The following PRKN variants were observed in gnomAD, a reference collection of about 807,000 sequenced individuals.
PRKN encodes parkin RBR E3 ubiquitin protein ligase.
Under a neutral mutation model 59.5 loss-of-function variants are expected in PRKN, and 56 were observed. The ratio of observed to expected loss-of-function variants is 0.94; its 90% confidence interval spans 0.76 to 1.18. PRKN has a LOEUF of 1.18. Ranked by LOEUF, PRKN falls within the 50% of genes most tolerant of loss-of-function variation. The pLI is 0.00. For missense variants in PRKN, 657 were observed against 596.4 expected (o/e 1.10, Z -1.06); for synonymous variants, 250 against 222.1 (o/e 1.13, Z -1.12).
At chr6:162,195,997 T>A (rs771827444) in intron 4 of PRKN, among the ~76,000 whole-genome samples, 1 of 152,212 alleles carries the variant, frequency 6.6e-6, no homozygotes, top group Non-Finnish European at 1.5e-5. Flanking sequence ...ATAAAAAGCC[T>A]TACTATATTT....
chr6:161,493,948 C>T (rs1349237318), intron 9 of PRKN, among the ~76,000 whole-genome samples: 2 of 152,222 alleles, frequency 1.3e-5, no homozygotes, highest in East Asian at 1.9e-4. Context: ...AGACAAGAGC[C>T]GGGAAGGCAG....
At chr6:161,595,040 T>G (rs1000414040) in intron 7 of PRKN, among the ~76,000 whole-genome samples, 4 of 152,210 alleles carry the variant, frequency 2.6e-5, no homozygotes, top group Non-Finnish European at 5.9e-5. Context: ...GGGTACCCTT[T>G]GTGCTATTCA....
At chr6:162,023,003 C>G (rs1262003594) in intron 5 of PRKN, among the ~76,000 whole-genome samples, 3 of 152,126 alleles carry the variant, frequency 2.0e-5, no homozygotes, top group Non-Finnish European at 4.4e-5. Context: ...CTACTCTGCT[C>G]CATTGATATA....
chr6:162,437,888 A>G (rs1436882697), intron 2 of PRKN, among the ~76,000 whole-genome samples: 1 of 152,198 alleles, frequency 6.6e-6, no homozygotes, highest in Non-Finnish European at 1.5e-5. Context: ...TGCTATAAAC[A>G]TTCATATACA....
At position 162,299,925 on chromosome 6, in the gene PRKN, A is replaced by C. The variant is rs139012603; in HGVS notation, c.172-37160T>G. Among the ~76,000 whole-genome samples, 537 of 152,302 alleles carry C rather than the reference A, an allele frequency of 3.5e-3. 3 individuals carry two copies. The highest frequency in any genetic ancestry group is 6.6e-3 in the Non-Finnish European group (446 of 68,026). ...AAATCCTAGCTTTCACTACAGCTTTATTCATTTCATACTTATATAAAATAC... is the reference window on the plus strand; with the variant it reads ...AAATCCTAGCTTTCACTACAGCTTTCTTCATTTCATACTTATATAAAATAC... On this transcript the variant is annotated intron_variant, in intron 2 of 11. Coordinates refer to ENST00000366898, the MANE Select transcript of PRKN (RefSeq NM_004562.3).
chr6:162,693,142 T>C (rs1437334459), intron 1 of PRKN, among the ~76,000 whole-genome samples: 1 of 152,220 alleles, frequency 6.6e-6, no homozygotes, highest in South Asian at 2.1e-4. Context: ...TGGACTATTT[T>C]CAAACTTGTT....
chr6:161,384,542 C>A (rs988641815), intron 10 of PRKN, among the ~76,000 whole-genome samples: 1 of 151,782 alleles, frequency 6.6e-6, no homozygotes, highest in South Asian at 2.1e-4. Context: ...GACCCTGGTT[C>A]AAAAAAAATG....
chr6:161,883,040 AAC>A lies in PRKN; in HGVS notation c.734+90260_734+90261del, dbSNP rs1355759790. 9.0e-3 allele frequency among the ~76,000 whole-genome samples: 833 copies of A among 92,984 alleles called. 6 individuals carry two copies. Among genetic ancestry groups the A allele is most frequent in the African/African-American group, 0.032 (791 of 24,432 alleles). The allele number at this position is 92,984 out of a possible 152,430, so 61.0% of individuals were successfully genotyped here. A position where few individuals can be genotyped will look rare whatever the true frequency, so the allele number is the denominator to read the frequency against. ...AAAAACAACAACAACAACAAAAAAA[AAC>A]CAAAAAAACTCCAGGTAGGTATTTT... is the stretch of plus-strand genomic sequence containing the variant. On this transcript the variant is annotated intron_variant, in intron 6 of 11. Transcript: ENST00000366898.
At chr6:162,478,349 G>T (rs1005918471) in intron 1 of PRKN, among the ~76,000 whole-genome samples, 1 of 152,072 alleles carries the variant, frequency 6.6e-6, no homozygotes, top group Non-Finnish European at 1.5e-5. Flanking sequence ...CTGAAACTCC[G>T]CTTAAACACT....
intron 2 of PRKN, among the ~76,000 whole-genome samples, chr6:162,415,260 A>T (rs1788570131): frequency 6.6e-6 from 1 of 152,270 alleles, no homozygotes; most frequent in East Asian, 1.9e-4. Flanking sequence ...TTTAAATTTT[A>T]ACACGAGTGT....
intron 5 of PRKN, among the ~76,000 whole-genome samples, chr6:161,974,625 T>A (rs146959171): frequency 1.1e-4 from 17 of 152,264 alleles, no homozygotes; most frequent in African/African-American, 4.1e-4. Context: ...ACAGTCTGCA[T>A]GCCTTCCATG....
rs1035212255 is a variant in PRKN, at chr6:161,538,441, T to C, written c.1083+10413A>G. Among the ~76,000 whole-genome samples the C allele has an allele frequency of 4.6e-5, 7 of 152,150 alleles. No homozygotes were observed. The highest frequency in any genetic ancestry group is 3.9e-4 in the Admixed American group (6 of 15,278). On this transcript the variant is annotated intron_variant, in intron 9 of 11. Transcript: ENST00000366898. The surrounding 1 kb of genome is among the most constrained non-coding windows in gnomAD (Gnocchi z 4.2). The stretch of plus-strand genomic sequence containing the variant: ...TGGACAGTGGGGACAAAGGCCTGTA[T>C]GGTAGGCTTGGATAGCTCTGCCAGG...
chr6:161,689,678 G>C (rs549103107), intron 7 of PRKN, among the ~76,000 whole-genome samples: 1 of 152,060 alleles, frequency 6.6e-6, no homozygotes, highest in Non-Finnish European at 1.5e-5. Context: ...TTTATCCGAG[G>C]GTTCTTTAAA....
chr6:162,301,634 T>C (rs1055018016), intron 2 of PRKN, among the ~76,000 whole-genome samples: 1 of 152,080 alleles, frequency 6.6e-6, no homozygotes, highest in African/African-American at 2.4e-5. Context: ...CTCATGGTAT[T>C]TCTGCCTTTT....
At chr6:161,542,244 A>G (rs933194146) in intron 9 of PRKN, among the ~76,000 whole-genome samples, 1 of 152,228 alleles carries the variant, frequency 6.6e-6, no homozygotes, top group African/African-American at 2.4e-5. Context: ...TTAGCCATTT[A>G]TATTATTGAC....
chr6:161,938,950 A>G (rs1323946745), intron 6 of PRKN, among the ~76,000 whole-genome samples: 1 of 152,236 alleles, frequency 6.6e-6, no homozygotes, highest in Admixed American at 6.5e-5. Context: ...CAAAATTTAA[A>G]TAAAATCTTT....
chr6:162,132,749 T>C (rs943213346), intron 4 of PRKN, among the ~76,000 whole-genome samples: 2 of 151,998 alleles, frequency 1.3e-5, no homozygotes, highest in African/African-American at 4.8e-5. Flanking sequence ...GGCATCTCTA[T>C]CTCTGAAATC....
chr6:162,046,758 T>G (rs531734629), intron 5 of PRKN, among the ~76,000 whole-genome samples: 25 of 152,318 alleles, frequency 1.6e-4, no homozygotes, highest in African/African-American at 5.5e-4. Flanking sequence ...AGAATTAAAT[T>G]AAGCTTAGGG....
rs34722234 is a variant in PRKN at position 162,363,131 on chromosome 6, C to CA, written c.171+80178dup. Among the ~76,000 whole-genome samples, 295 of 98,430 alleles carry CA rather than the reference C, an allele frequency of 3.0e-3. 3 individuals carry two copies. The highest frequency in any genetic ancestry group is 8.8e-3 in the South Asian group (24 of 2,722). 64.6% of individuals were successfully genotyped at this position (98,430 alleles called of 152,430 possible). A position where few individuals can be genotyped will look rare whatever the true frequency, so the allele number is the denominator to read the frequency against. ...TGACAGAGCGAGACTCCTTCTCAAA[C>CA]AAAAAAAAAAAAAAAAAAAAAAAAA... On this transcript the variant is annotated intron_variant, in intron 2 of 11. Transcript: ENST00000366898.
Sources: allele counts gnomAD v4.1 joint callset (sites outside exome capture counted in the v4.1 genomes callset), GRCh38; gene constraint gnomAD v4.1.1; non-coding constraint Gnocchi (gnomAD v3.1); transcripts MANE v1.5; gene names NCBI Gene and HGNC (gene_info 2026-07-23, HGNC 2026-07-21).